CSNK1G3: variants seen among roughly 807,000 people sequenced by gnomAD.
CSNK1G3 encodes the protein casein kinase 1 gamma 3.
CSNK1G3 carries 23 observed loss-of-function variants against 64.3 expected under a neutral mutation model. That is an observed-to-expected ratio of 0.36 (90% CI 0.26 to 0.51). The LOEUF is 0.51. Among genes scored for constraint, CSNK1G3 ranks in the 20% least tolerant of loss-of-function variants. CSNK1G3 has a pLI of 0.96. For missense variants in CSNK1G3, 357 were observed against 510.5 expected (o/e 0.70, Z 2.90); for synonymous variants, 158 against 162.2 (o/e 0.97, Z 0.20).
chr5:123,606,882 A>T (rs549970727), intron 12 of CSNK1G3, among the ~76,000 whole-genome samples: 1 of 152,308 alleles, frequency 6.6e-6, no homozygotes, highest in African/African-American at 2.4e-5. Context: ...GCCAGCAGGA[A>T]GATTGCAGTT....
chr5:123,516,849 A>G (rs935907768), intron 1 of CSNK1G3, among the ~76,000 whole-genome samples: 1 of 152,118 alleles, frequency 6.6e-6, no homozygotes, highest in African/African-American at 2.4e-5. Flanking sequence ...TAGTAATGTG[A>G]GGTTGAAGTT....
intron 4 of CSNK1G3, among the ~76,000 whole-genome samples, chr5:123,571,040 C>A (rs569738061): frequency 9.9e-5 from 15 of 152,144 alleles, no homozygotes; most frequent in Non-Finnish European, 1.6e-4. Flanking sequence ...TCCACCTTTA[C>A]ACATGTGAGG....
chr5:123,553,459 GA>G (rs1784068162), intron 3 of CSNK1G3, among the ~76,000 whole-genome samples: 1 of 152,152 alleles, frequency 6.6e-6, no homozygotes, highest in African/African-American at 2.4e-5. Context: ...AAATTAACAA[GA>G]TTTTGCCTTC....
At chr5:123,567,098 G>T (rs559412305) in intron 4 of CSNK1G3, among the ~76,000 whole-genome samples, 4 of 152,300 alleles carry the variant, frequency 2.6e-5, no homozygotes, top group African/African-American at 7.2e-5. Flanking sequence ...GCAGACAAGA[G>T]CTTGTGCAGG....
At chr5:123,560,683 A>G (rs939948337) in intron 4 of CSNK1G3, among the ~76,000 whole-genome samples, 1 of 152,210 alleles carries the variant, frequency 6.6e-6, no homozygotes, top group Non-Finnish European at 1.5e-5. Flanking sequence ...ATTGTACTAA[A>G]AAAAGGAAAA....
intron 10 of CSNK1G3, among the ~76,000 whole-genome samples, chr5:123,602,107 C>G (rs922433): frequency 0.24 from 35,700 of 151,888 alleles, 4,286 homozygotes; most frequent in Middle Eastern, 0.37. Flanking sequence ...AAGGGGGAAG[C>G]AAGTGCCCCA....
intron 4 of CSNK1G3, among the ~76,000 whole-genome samples, chr5:123,569,635 A>C (rs991585346): frequency 1.3e-5 from 2 of 152,214 alleles, no homozygotes; most frequent in African/African-American, 4.8e-5. Context: ...TCATCATAGC[A>C]TATAAAAATT....
chr5:123,522,531 G>A lies in CSNK1G3; in HGVS notation c.-248+9961G>A, dbSNP rs182479635. On this transcript the variant is annotated intron_variant, in intron 1 of 12. Transcript: ENST00000345990. Reference sequence around the variant, plus strand: ...AAAAAAAAAGAAAAAAAAAATCTGAGGGTGTGGCCAGGTACCTGACATAAA... The same window carrying A: ...AAAAAAAAAGAAAAAAAAAATCTGAAGGTGTGGCCAGGTACCTGACATAAA... 2.6e-5 allele frequency among the ~76,000 whole-genome samples: 4 copies of A among 151,816 alleles called. No individual in the cohort carries two copies. In the East Asian group the frequency reaches 7.7e-4, roughly 29 times the overall value.
intron 2 of CSNK1G3, among the ~76,000 whole-genome samples, chr5:123,550,563 A>G (rs75060308): frequency 7.2e-5 from 11 of 152,338 alleles, no homozygotes; most frequent in Non-Finnish European, 1.6e-4. Context: ...CTGTAAACAT[A>G]TATGTGTAGT....
At chr5:123,531,871 A>G (rs574656382) in intron 1 of CSNK1G3, among the ~76,000 whole-genome samples, 44 of 152,036 alleles carry the variant, frequency 2.9e-4, no homozygotes, top group African/African-American at 1.0e-3. Context: ...GTTACAAAAA[A>G]TTGTAAGCAG....
At chr5:123,513,371 C>T (rs1447204122) in intron 1 of CSNK1G3, among the ~76,000 whole-genome samples, 1 of 151,988 alleles carries the variant, frequency 6.6e-6, no homozygotes, top group Non-Finnish European at 1.5e-5. Flanking sequence ...TGGTCATTCC[C>T]CTTCTCCCAC....
chr5:123,525,635 CAA>C (rs1206326821), intron 1 of CSNK1G3, among the ~76,000 whole-genome samples: 2 of 152,000 alleles, frequency 1.3e-5, no homozygotes, highest in Non-Finnish European at 2.9e-5. Flanking sequence ...CTCAAACACA[CAA>C]AGTGTTTCCA....
intron 1 of CSNK1G3, among the ~76,000 whole-genome samples, chr5:123,515,655 A>T (rs548435541): frequency 3.3e-4 from 50 of 152,300 alleles, no homozygotes; most frequent in African/African-American, 1.1e-3. Flanking sequence ...AGAAAAAAAA[A>T]TCAGTTTATA....
rs1335006669 is a variant in CSNK1G3 at position 123,540,636 on chromosome 5, A to AT, written c.-247-4775dup. Reference sequence around the variant, plus strand: ...ACAGCTGTCGATTTCTAATTTAATTATTTTTTATTTTTTTGAGACAGTGTC... The same window carrying AT: ...ACAGCTGTCGATTTCTAATTTAATTATTTTTTTATTTTTTTGAGACAGTGTC... On this transcript the variant is annotated intron_variant, in intron 1 of 12. Transcript: ENST00000345990. Among the ~76,000 whole-genome samples the AT allele has an allele frequency of 4.6e-5, 7 of 151,662 alleles. No homozygotes were observed. In the East Asian group the frequency reaches 1.4e-3, roughly 29 times the overall value.
chr5:123,601,906 G>C (rs980474800), intron 10 of CSNK1G3, among the ~76,000 whole-genome samples: 2 of 152,118 alleles, frequency 1.3e-5, no homozygotes, highest in African/African-American at 4.8e-5. Flanking sequence ...AGGTAGTGGA[G>C]AATATGTGAG....
intron 4 of CSNK1G3, among the ~76,000 whole-genome samples, chr5:123,560,815 G>A (rs976248582): frequency 6.6e-6 from 1 of 152,172 alleles, no homozygotes; most frequent in Non-Finnish European, 1.5e-5. Context: ...CTTGGGGAGA[G>A]GGCAGAAATG....
chr5:123,591,912 A>C (rs1435212138), intron 10 of CSNK1G3, among the ~76,000 whole-genome samples: 1 of 152,116 alleles, frequency 6.6e-6, no homozygotes, highest in Non-Finnish European at 1.5e-5. Context: ...ACCCTGGGCA[A>C]ATAAGTTAAT....
At chr5:123,527,688 G>A (rs1779310106) in intron 1 of CSNK1G3, among the ~76,000 whole-genome samples, 1 of 152,084 alleles carries the variant, frequency 6.6e-6, no homozygotes. Flanking sequence ...TGAGAAGAAC[G>A]AATATAACTG....
chr5:123,556,811 C>T (rs2150407265), intron 3 of CSNK1G3, among the ~76,000 whole-genome samples: 1 of 142,702 alleles, frequency 7.0e-6, no homozygotes, highest in Non-Finnish European at 1.6e-5. Flanking sequence ...ATATGAATCT[C>T]AAAAACATTT....
Sources: allele counts gnomAD v4.1 joint callset (sites outside exome capture counted in the v4.1 genomes callset), GRCh38; gene constraint gnomAD v4.1.1; transcripts MANE v1.5; gene names NCBI Gene and HGNC (gene_info 2026-07-23, HGNC 2026-07-21).